The following ADK variants were observed in gnomAD, a reference collection of about 807,000 sequenced individuals.
ADK encodes the protein adenosine kinase, also known as N6,N6-dimethyladenosine kinase.
A neutral mutation model predicts 44.7 loss-of-function variants in ADK; 24 were observed. That is an observed-to-expected ratio of 0.54 (90% CI 0.39 to 0.76). The LOEUF (loss-of-function observed/expected upper bound fraction) is 0.76, where lower values mean the gene tolerates loss of function less well. Ranked by LOEUF, ADK falls within the 30% of genes least tolerant of loss-of-function variation. ADK has a pLI of 0.00. For synonymous variants in ADK, 128 were observed against 142.6 expected (o/e 0.90, Z 0.73); for missense variants, 321 against 425.1 (o/e 0.76, Z 2.15).
intron 7 of ADK, among the ~76,000 whole-genome samples, chr10:74,550,833 CAT>C (rs1850009395): frequency 6.6e-6 from 1 of 152,090 alleles, no homozygotes; most frequent in African/African-American, 2.4e-5. Context: ...TATCTATAAT[CAT>C]ATGCTATGCT....
chr10:74,415,452 C>T (rs1165367815), intron 6 of ADK, among the ~76,000 whole-genome samples: 3 of 152,144 alleles, frequency 2.0e-5, no homozygotes, highest in African/African-American at 4.8e-5. Context: ...CATAAACAAT[C>T]AAGTGTCTAC....
At position 74,292,006 on chromosome 10, in the gene ADK, C is replaced by T. The variant is rs112618988; in HGVS notation, c.195-22661C>T. ...TTTTGAGGTAAATTTGTCAGGTCTC[C>T]CTGGGACACAGAATGACTGCATCAC... On this transcript the variant is annotated intron_variant, in intron 3 of 10. Transcript: ENST00000539909. 5.0e-3 allele frequency among the ~76,000 whole-genome samples: 762 copies of T among 152,062 alleles called. 11 individuals are homozygous for T. Among genetic ancestry groups the T allele is most frequent in the African/African-American group, 0.017 (712 of 41,452 alleles).
chr10:74,470,190 A>G (rs1363327098), intron 6 of ADK, among the ~76,000 whole-genome samples: 1 of 151,652 alleles, frequency 6.6e-6, no homozygotes, highest in East Asian at 1.9e-4. Context: ...ACACCTGACT[A>G]ATTTTTATAT....
intron 1 of ADK, among the ~76,000 whole-genome samples, chr10:74,175,018 T>C (rs755721855): frequency 2.0e-5 from 3 of 152,238 alleles, no homozygotes; most frequent in Admixed American, 6.5e-5. Context: ...TAGGTAAAGC[T>C]AACTTAGACT....
chr10:74,204,591 A>G (rs576738587), intron 2 of ADK, among the ~76,000 whole-genome samples: 1 of 152,266 alleles, frequency 6.6e-6, no homozygotes, highest in South Asian at 2.1e-4. Flanking sequence ...AAACTGGGAG[A>G]TGTGTTTTAT....
At chr10:74,499,156 A>G (rs996804965) in intron 6 of ADK, among the ~76,000 whole-genome samples, 3 of 152,126 alleles carry the variant, frequency 2.0e-5, no homozygotes, top group Admixed American at 6.5e-5. Flanking sequence ...GGCTCAAGCA[A>G]TCCTCCTACC....
chr10:74,446,747 A>G (rs1845601087), intron 6 of ADK, among the ~76,000 whole-genome samples: 1 of 152,152 alleles, frequency 6.6e-6, no homozygotes, highest in African/African-American at 2.4e-5. Context: ...TGTTAAAAAG[A>G]CATGTAAACT....
intron 6 of ADK, among the ~76,000 whole-genome samples, chr10:74,511,908 G>C (rs1186903456): frequency 1.3e-5 from 2 of 152,112 alleles, no homozygotes; most frequent in Non-Finnish European, 2.9e-5. Context: ...TCAGGTTTCA[G>C]TAAGATGCTA....
At chr10:74,671,131 T>C (rs1855163263) in intron 10 of ADK, among the ~76,000 whole-genome samples, 1 of 151,878 alleles carries the variant, frequency 6.6e-6, no homozygotes, top group Non-Finnish European at 1.5e-5. Context: ...TATTTAAGTT[T>C]GTGTGATGGT....
intron 6 of ADK, among the ~76,000 whole-genome samples, chr10:74,444,718 G>A (rs983928204): frequency 5.3e-5 from 8 of 151,972 alleles, no homozygotes; most frequent in East Asian, 1.9e-4. Flanking sequence ...CAGAGTTAAG[G>A]AGTTTAAATT....
chr10:74,345,618 A>G (rs1243548296), intron 4 of ADK, among the ~76,000 whole-genome samples: 1 of 152,044 alleles, frequency 6.6e-6, no homozygotes, highest in African/African-American at 2.4e-5. Flanking sequence ...TGCATGATAT[A>G]TTTTTCCACC....
intron 3 of ADK, among the ~76,000 whole-genome samples, chr10:74,290,306 C>A (rs1462015209): frequency 1.3e-5 from 2 of 151,962 alleles, no homozygotes; most frequent in Admixed American, 1.3e-4. Context: ...TCTTATTGCT[C>A]ATTTGGAAAA....
At chr10:74,531,151 G>T (rs1476766631) in intron 7 of ADK, among the ~76,000 whole-genome samples, 1 of 152,110 alleles carries the variant, frequency 6.6e-6, no homozygotes, top group East Asian at 1.9e-4. Context: ...ACCACAAAAA[G>T]AACCACCTAA....
chr10:74,389,429 G>A (rs1843263418), intron 4 of ADK, among the ~76,000 whole-genome samples: 1 of 152,154 alleles, frequency 6.6e-6, no homozygotes, highest in South Asian at 2.1e-4. Context: ...TGTTTTAGAT[G>A]CTTACAGATG....
intron 9 of ADK, among the ~76,000 whole-genome samples, chr10:74,665,781 G>GAT (rs1277412143): frequency 7.7e-6 from 1 of 129,408 alleles, no homozygotes; most frequent in Admixed American, 7.8e-5. Context: ...GAGAGAGAGA[G>GAT]ACAGACAGAC....
intron 6 of ADK, among the ~76,000 whole-genome samples, chr10:74,469,401 C>A (rs1292121678): frequency 6.6e-6 from 1 of 152,014 alleles, no homozygotes; most frequent in African/African-American, 2.4e-5. Flanking sequence ...ACTGTGTCAC[C>A]CAGAACTGGA....
intron 6 of ADK, among the ~76,000 whole-genome samples, chr10:74,477,407 C>T (rs1187922022): frequency 2.6e-5 from 4 of 152,054 alleles, no homozygotes; most frequent in Non-Finnish European, 5.9e-5. Context: ...AGGGTTTTTC[C>T]ATGTTGCCCA....
At chr10:74,395,145 T>G (rs918944127) in intron 5 of ADK, among the ~76,000 whole-genome samples, 1 of 152,002 alleles carries the variant, frequency 6.6e-6, no homozygotes, top group Non-Finnish European at 1.5e-5. Context: ...ACTAGAAATT[T>G]TGCATTACTT....
At chr10:74,213,343 AC>A (rs1246925026) in intron 2 of ADK, among the ~76,000 whole-genome samples, 2 of 152,088 alleles carry the variant, frequency 1.3e-5, no homozygotes, top group Non-Finnish European at 2.9e-5. Flanking sequence ...GAATCCTCTG[AC>A]CTCATTCTCT....
Sources: gnomAD v4.1 joint callset for allele counts (sites outside exome capture counted in the v4.1 genomes callset) on GRCh38, gnomAD v4.1.1 for gene constraint, MANE v1.5 for transcripts, NCBI Gene and HGNC (gene_info 2026-07-23, HGNC 2026-07-21) for gene names.